AFF3: variants seen among roughly 807,000 people sequenced by gnomAD.
AFF3 encodes the protein AF4/FMR2 family member 3.
A neutral mutation model predicts 129.7 loss-of-function variants in AFF3; 32 were observed. The ratio of observed to expected loss-of-function variants is 0.25; its 90% CI spans 0.19 to 0.33. The LOEUF (loss-of-function observed/expected upper bound fraction) is 0.33. AFF3 is among the 10% of genes least tolerant of loss of function. The pLI, the probability that AFF3 is intolerant of heterozygous loss-of-function variation, is 1.00. For synonymous variants in AFF3, 644 were observed against 635.4 expected (o/e 1.01, Z -0.20); for missense variants, 1,373 against 1,592.0 (o/e 0.86, Z 2.34).
chr2:99,609,268 T>C (rs1010415474), intron 13 of AFF3, among the ~76,000 whole-genome samples: 2 of 152,066 alleles, frequency 1.3e-5, no homozygotes, highest in African/African-American at 4.8e-5. Flanking sequence ...GGGGAATAGG[T>C]GGCATTTGGT....
chr2:99,602,869 G>C (rs886176331), intron 13 of AFF3, among the ~76,000 whole-genome samples: 1 of 152,214 alleles, frequency 6.6e-6, no homozygotes, highest in African/African-American at 2.4e-5. Flanking sequence ...GGTGGGGATG[G>C]AGGTAATACT....
At chr2:100,048,350 C>T (rs923374646) in intron 4 of AFF3, among the ~76,000 whole-genome samples, 1 of 152,184 alleles carries the variant, frequency 6.6e-6, no homozygotes, top group Non-Finnish European at 1.5e-5. Context: ...TTAATTTACA[C>T]CTGTTATCAC....
intron 13 of AFF3, among the ~76,000 whole-genome samples, chr2:99,633,249 T>C (rs545529799): frequency 6.6e-6 from 1 of 152,224 alleles, no homozygotes; most frequent in Non-Finnish European, 1.5e-5. Flanking sequence ...GTGCCGAGAT[T>C]TGACAGGCAC....
intron 7 of AFF3, among the ~76,000 whole-genome samples, chr2:99,858,431 G>A (rs1324593531): frequency 6.6e-6 from 1 of 151,440 alleles, no homozygotes; most frequent in Non-Finnish European, 1.5e-5. Context: ...TGCACCTGTA[G>A]TTCTAGCTAC....
At chr2:99,654,567 AG>A (rs1283677916) in intron 12 of AFF3, among the ~76,000 whole-genome samples, 1 of 152,256 alleles carries the variant, frequency 6.6e-6, no homozygotes, top group Non-Finnish European at 1.5e-5. Flanking sequence ...CATTCCTTCA[AG>A]AGTTATACAT....
At chr2:99,605,196 A>G (rs1680207755) in intron 13 of AFF3, among the ~76,000 whole-genome samples, 1 of 152,254 alleles carries the variant, frequency 6.6e-6, no homozygotes, top group Non-Finnish European at 1.5e-5. Context: ...TTCTTAAATT[A>G]CGAAATTCAC....
chr2:99,632,008 C>CTT (rs745651225), intron 13 of AFF3, among the ~76,000 whole-genome samples: 5,092 of 76,852 alleles, frequency 0.066, 1,273 homozygotes, highest in African/African-American at 0.11. Flanking sequence ...CTTGCCAACA[C>CTT]TTTTTTTTTT....
chr2:99,993,417 T>A (rs1346649677), intron 7 of AFF3, among the ~76,000 whole-genome samples: 1 of 152,178 alleles, frequency 6.6e-6, no homozygotes, highest in Non-Finnish European at 1.5e-5. Context: ...ATAATTAAAA[T>A]CTTGTAAATT....
At chr2:99,901,929 CCT>C (rs1414414769) in intron 7 of AFF3, among the ~76,000 whole-genome samples, 1 of 151,402 alleles carries the variant, frequency 6.6e-6, no homozygotes, top group Non-Finnish European at 1.5e-5. Context: ...TCTTTCAGCT[CCT>C]GTCACAACTC....
intron 18 of AFF3, among the ~76,000 whole-genome samples, chr2:99,573,481 T>C (rs1676695943): frequency 6.6e-6 from 1 of 152,160 alleles, no homozygotes; most frequent in African/African-American, 2.4e-5. Flanking sequence ...AAGCCCCTGG[T>C]GGGGGAGCGC....
At chr2:99,874,339 C>G (rs1341005163) in intron 7 of AFF3, among the ~76,000 whole-genome samples, 5 of 152,128 alleles carry the variant, frequency 3.3e-5, no homozygotes, top group Admixed American at 6.5e-5. Flanking sequence ...TTTTGTGTGT[C>G]TGTGTTCTCA....
chr2:99,667,601 C>A (rs1231936204), intron 12 of AFF3, among the ~76,000 whole-genome samples: 1 of 152,016 alleles, frequency 6.6e-6, no homozygotes, highest in Non-Finnish European at 1.5e-5. Context: ...AGTTAATAAA[C>A]CTCTAGCAAG....
chr2:99,866,775 G>A (rs112314118), intron 7 of AFF3, among the ~76,000 whole-genome samples: 11,780 of 151,744 alleles, frequency 0.078, 1,542 homozygotes, highest in African/African-American at 0.27. Context: ...TCAGGAGTTC[G>A]AGACCAGCCT....
chr2:99,947,469 A>G (rs1675679547), intron 7 of AFF3, among the ~76,000 whole-genome samples: 1 of 151,032 alleles, frequency 6.6e-6, no homozygotes, highest in Non-Finnish European at 1.5e-5. Flanking sequence ...AAAGACAGGA[A>G]AGACAGATAG....
At chr2:99,697,793 C>T (rs534673291) in intron 11 of AFF3, among the ~76,000 whole-genome samples, 2 of 152,188 alleles carry the variant, frequency 1.3e-5, no homozygotes, top group African/African-American at 2.4e-5. Context: ...GATAATAAAA[C>T]CAGCTTTGTC....
chr2:99,554,180 C>T, intron 24 of AFF3, 131 bp downstream of exon 24: 1 of 956,588 alleles, frequency 1.0e-6, no homozygotes. Context: ...GAGAAAATGC[C>T]TGATATAATG....
rs569727164 is a variant in AFF3 at position 100,133,718 on chromosome 2, G to A, written c.-227-4412C>T. Among the ~76,000 whole-genome samples the A allele has an allele frequency of 2.0e-5, 3 of 152,282 alleles. No individual in the cohort carries two copies. The East Asian group carries it at 5.8e-4, about 29-fold the overall frequency. On this transcript the variant is annotated intron_variant, in intron 1 of 24. Transcript: ENST00000672756. Reference sequence around the variant, plus strand: ...GAGGCTGAGGTGGGCAGATCATGAGGTCAGGAGATCGAGACCATCCTGGCT... The same window carrying A: ...GAGGCTGAGGTGGGCAGATCATGAGATCAGGAGATCGAGACCATCCTGGCT...
chr2:99,893,285 T>C (rs1230633474), intron 7 of AFF3, among the ~76,000 whole-genome samples: 1 of 152,208 alleles, frequency 6.6e-6, no homozygotes, highest in Non-Finnish European at 1.5e-5. Flanking sequence ...ATATGTGAAG[T>C]ATTTCACAGA....
At chr2:99,661,760 C>G (rs1191316027) in intron 12 of AFF3, among the ~76,000 whole-genome samples, 3 of 152,094 alleles carry the variant, frequency 2.0e-5, no homozygotes, top group African/African-American at 7.2e-5. Flanking sequence ...TATGCTTGTG[C>G]TTTTTGCAAA....
Sources: allele counts gnomAD v4.1 joint callset (sites outside exome capture counted in the v4.1 genomes callset), GRCh38; gene constraint gnomAD v4.1.1; transcripts MANE v1.5; gene names NCBI Gene and HGNC (gene_info 2026-07-23, HGNC 2026-07-21).